Variants in MALAT1 observed in about 807,000 individuals in gnomAD.
MALAT1 encodes the protein metastasis associated lung adenocarcinoma transcript 1, also known as hepcarcin.
chr11:65,505,631 C>G (rs1434811066), intron 3 of MALAT1: 1 of 518,898 alleles, frequency 1.9e-6, no homozygotes. Flanking sequence ...TAGCTTGGAT[C>G]CTTGTGGGCA....
chr11:65,499,674 C>CA, exon 3 of MALAT1: 1 of 434,128 alleles, frequency 2.3e-6, no homozygotes, highest in Non-Finnish European at 4.5e-6. Context: ...AACTGGAAGA[C>CA]AGAAGTACGG....
At chr11:65,498,431 A>G (rs770751678) in intron 1 of MALAT1, 1 of 518,550 alleles carries the variant, frequency 1.9e-6, no homozygotes, top group Non-Finnish European at 3.8e-6. Flanking sequence ...GTGGTGTGGG[A>G]TTGAGGCGTT....
At chr11:65,500,422 T>C in exon 3 of MALAT1, 2 of 518,950 alleles carry the variant, frequency 3.9e-6, no homozygotes, top group South Asian at 2.8e-5. Context: ...GTGGATTCAG[T>C]GAATCTAGGA....
chr11:65,503,208 T>C (rs1269266885), exon 3 of MALAT1: 2 of 513,320 alleles, frequency 3.9e-6, no homozygotes, highest in East Asian at 1.1e-4. Context: ...TTAACTTGCA[T>C]CTGCAGTATT....
At chr11:65,501,944 A>G (rs141956470) in exon 3 of MALAT1, 1 of 517,698 alleles carries the variant, frequency 1.9e-6, no homozygotes, top group African/African-American at 1.9e-5. Flanking sequence ...AGATAAACTC[A>G]TGCCAGAGAA....
At chr11:65,502,279 A>ATT in exon 3 of MALAT1, 1 of 517,814 alleles carries the variant, frequency 1.9e-6, no homozygotes. Flanking sequence ...CTCTTTTGGA[A>ATT]TTTTTTTCAG....
At chr11:65,499,733 C>A in exon 3 of MALAT1, 1 of 433,350 alleles carries the variant, frequency 2.3e-6, no homozygotes, top group Non-Finnish European at 4.5e-6. Flanking sequence ...AAGATAAAAA[C>A]ATACTTTTAG....
exon 3 of MALAT1, chr11:65,499,286 G>T (rs751980449): frequency 9.7e-6 from 5 of 513,408 alleles, no homozygotes; most frequent in Admixed American, 7.9e-5. Flanking sequence ...AAGATAAAAG[G>T]TTTCTAAAAC....
rs1258217153 is a variant in MALAT1 at position 65,502,906 on chromosome 11, C to T, written n.4169C>T. 6 of 491,732 alleles carry T rather than the reference C, an allele frequency of 1.2e-5. No individual in the cohort carries two copies. The East Asian group carries it at 1.7e-4, about 14-fold the overall frequency. 30.5% of individuals were successfully genotyped at this position (491,732 alleles called of 1,614,324 possible). On this transcript the variant is annotated non_coding_transcript_exon_variant, in exon 3 of 4. Transcript: ENST00000619449. ...AGTTAATTGCTTGTCAAGCTATAAC[C>T]ACAAAAATAATGAATTGATGAGAAA... is the stretch of plus-strand genomic sequence containing the variant.
At chr11:65,499,769 A>C in exon 3 of MALAT1, 1 of 429,368 alleles carries the variant, frequency 2.3e-6, no homozygotes. Flanking sequence ...TTTAAACCTG[A>C]AAAGTAGGAA....
chr11:65,500,073 G>C (rs1565676467), exon 3 of MALAT1: 1 of 452,788 alleles, frequency 2.2e-6, no homozygotes, highest in Non-Finnish European at 4.4e-6. Flanking sequence ...GGTAAAGCTT[G>C]AGAAGATGAG....
chr11:65,500,914 T>G (rs1020879351), exon 3 of MALAT1: 2 of 513,472 alleles, frequency 3.9e-6, no homozygotes, highest in Admixed American at 4.0e-5. Context: ...TGTTGTAGGT[T>G]TCTCTTTTTC....
exon 3 of MALAT1, chr11:65,499,288 T>C (rs757888993): frequency 3.9e-6 from 2 of 513,070 alleles, no homozygotes; most frequent in Admixed American, 2.0e-5. Flanking sequence ...GATAAAAGGT[T>C]TCTAAAACAT....
At chr11:65,498,198 G>C in intron 1 of MALAT1, 1 of 518,868 alleles carries the variant, frequency 1.9e-6, no homozygotes, top group South Asian at 1.4e-5. Flanking sequence ...CTGTGTCTTC[G>C]GAGACAAAGC....
exon 3 of MALAT1, chr11:65,500,138 A>G (rs1166825312): frequency 2.0e-6 from 1 of 498,684 alleles, no homozygotes; most frequent in Non-Finnish European, 4.0e-6. Flanking sequence ...TAGAAGGGGA[A>G]GTTGGTTAAA....
At chr11:65,506,019 G>A (rs371960828) in intron 3 of MALAT1, 41 of 459,104 alleles carry the variant, frequency 8.9e-5, no homozygotes, top group Non-Finnish European at 1.5e-4. Flanking sequence ...CTTCAGTAGG[G>A]TCATGAAGGT....
exon 3 of MALAT1, chr11:65,501,529 G>C (rs372352616): frequency 1.9e-6 from 1 of 518,828 alleles, no homozygotes; most frequent in East Asian, 5.4e-5. Context: ...AGCATTTTGG[G>C]ATGGTCTTAA....
At chr11:65,503,789 G>GT (rs1401513957) in exon 3 of MALAT1, 1 of 514,818 alleles carries the variant, frequency 1.9e-6, no homozygotes, top group African/African-American at 1.9e-5. Context: ...AAGAACGAAT[G>GT]TAACTTTAAG....
exon 2 of MALAT1, chr11:65,498,699 C>T (rs754624361): frequency 5.8e-6 from 3 of 518,614 alleles, no homozygotes; most frequent in South Asian, 1.4e-5. Context: ...ACTATACCTA[C>T]TGTCCCTCAA....
Sources: allele counts gnomAD v4.1 joint callset, GRCh38; gene constraint gnomAD v4.1.1; transcripts MANE v1.5; gene names NCBI Gene and HGNC (gene_info 2026-07-23, HGNC 2026-07-21).